The following ZNF233 variants were observed in gnomAD, a reference collection of about 807,000 sequenced individuals.
ZNF233 encodes zinc finger protein 233.
In ZNF233, 7 loss-of-function variants were observed where a neutral mutation model predicts 11.6. That is an observed-to-expected ratio of 0.60 (90% CI 0.34 to 1.13). ZNF233 has a LOEUF of 1.13. ZNF233 is among the 50% of genes most tolerant of loss of function. ZNF233 has a pLI of 0.03. For synonymous variants in ZNF233, 226 were observed against 268.5 expected (o/e 0.84, Z 1.55); for missense variants, 711 against 785.5 (o/e 0.91, Z 1.13).
At chr19:44,260,435 G>C (rs545326357) in intron 1 of ZNF233, among the ~76,000 whole-genome samples, 3 of 151,842 alleles carry the variant, frequency 2.0e-5, no homozygotes, top group African/African-American at 7.3e-5. Flanking sequence ...AGTGGGTTCT[G>C]AGCTCCAGGT....
intron 2 of ZNF233, among the ~76,000 whole-genome samples, chr19:44,264,584 T>G (rs893404293): frequency 1.3e-5 from 2 of 152,188 alleles, no homozygotes; most frequent in African/African-American, 4.8e-5. Flanking sequence ...ATTTCACAAG[T>G]AGTAGTGCAA....
At chr19:44,265,546 G>A (rs1312443918) in intron 2 of ZNF233, among the ~76,000 whole-genome samples, 3 of 151,890 alleles carry the variant, frequency 2.0e-5, no homozygotes, top group East Asian at 1.9e-4. Flanking sequence ...TCAGCCTCCC[G>A]AGTAGCTGGG....
At chr19:44,266,844 A>G in intron 3 of ZNF233, 22 bp from the exon 4 acceptor site, 11 of 1,585,766 alleles carry the variant, frequency 6.9e-6, no homozygotes, top group Non-Finnish European at 9.5e-6. Flanking sequence ...CACTTTATAT[A>G]TATGCCATTT....
chr19:44,267,729 G>T, intron 4 of ZNF233: 1 of 254,002 alleles, frequency 3.9e-6, no homozygotes. Flanking sequence ...CTGTCTGCCT[G>T]GGATGTTCTT....
intron 3 of ZNF233, 88 bp from the exon 4 acceptor site, chr19:44,266,778 C>A: frequency 2.1e-6 from 2 of 944,904 alleles, no homozygotes; most frequent in South Asian, 1.6e-5. Flanking sequence ...AAAAATACTA[C>A]TTAGAGCGCA....
chr19:44,265,364 TATACACACACACACAC>T (rs1387833958), intron 2 of ZNF233, among the ~76,000 whole-genome samples: 1 of 57,832 alleles, frequency 1.7e-5, no homozygotes, highest in African/African-American at 6.0e-5. Context: ...ATCATATATA[TATACACACACACACAC>T]ACACACACAC....
intron 2 of ZNF233, among the ~76,000 whole-genome samples, chr19:44,264,709 T>A (rs1975022608): frequency 6.6e-6 from 1 of 152,236 alleles, no homozygotes; most frequent in Admixed American, 6.5e-5. Context: ...GTCTTATATC[T>A]ATACTTGTCA....
At chr19:44,271,062 A>G (rs1424583312) in intron 4 of ZNF233, among the ~76,000 whole-genome samples, 1 of 152,146 alleles carries the variant, frequency 6.6e-6, no homozygotes, top group Non-Finnish European at 1.5e-5. Flanking sequence ...ACAATTATCA[A>G]TGCCTTTACT....
chr19:44,261,648 CTTTTTT>C (rs910276344), intron 1 of ZNF233, among the ~76,000 whole-genome samples: 6 of 128,286 alleles, frequency 4.7e-5, no homozygotes, highest in African/African-American at 1.8e-4. Context: ...AATGATTTCA[CTTTTTT>C]TTTTTTTTTT....
At chr19:44,265,690 G>A (rs1324088629) in intron 2 of ZNF233, among the ~76,000 whole-genome samples, 2 of 152,158 alleles carry the variant, frequency 1.3e-5, no homozygotes, top group South Asian at 2.1e-4. Context: ...AAAGTGCTGG[G>A]ATTACAGGCG....
At position 44,274,376 on chromosome 19, in the gene ZNF233, C is replaced by A; in HGVS notation, c.1716C>A (p.Gly572=). The A allele has an allele frequency of 6.2e-7, 1 of 1,614,136 alleles. No homozygotes were observed. The highest frequency in any genetic ancestry group is 8.5e-7 in the Non-Finnish European group (1 of 1,180,040). Residue 572 remains glycine (G), a synonymous_variant, in exon 5 of 5, where the codon GGC becomes GGA. Coordinates refer to ENST00000683810, the MANE Select transcript of ZNF233 (RefSeq NM_001207005.2). ...ACAAATGTGATGTGTGTGGGAAAGG[C>A]TTCAGTTGGAGTTCACATCTTCAAG... ...NPYKCDVCGK[G]FSWSSHLQAH... is the part of the protein sequence containing the mutation.
At chr19:44,262,124 G>T (rs528652864) in intron 1 of ZNF233, among the ~76,000 whole-genome samples, 22 of 152,298 alleles carry the variant, frequency 1.4e-4, no homozygotes, top group African/African-American at 5.3e-4. Flanking sequence ...TACAATCCTT[G>T]TCTGACTGTG....
At chr19:44,266,396 T>C in intron 3 of ZNF233, 72 bp downstream of exon 3, 1 of 1,405,490 alleles carries the variant, frequency 7.1e-7, no homozygotes, top group Non-Finnish European at 9.3e-7. Context: ...TTTAAGACTT[T>C]GGGACGCTTA....
rs183134340 is a variant in ZNF233 at position 44,261,037 on chromosome 19, C to T, written c.-48+1099C>T. 5.3e-5 allele frequency among the ~76,000 whole-genome samples: 8 copies of T among 152,278 alleles called. No individual in the cohort carries two copies. In the East Asian group the frequency reaches 1.4e-3, roughly 26 times the overall value. ...CAACACTGATGGGTAAAACATTTAT[C>T]TTCCCAAAGTAAAACAACAGGAAAG... On this transcript the variant is annotated intron_variant, in intron 1 of 4. Coordinates refer to ENST00000683810, the MANE Select transcript of ZNF233 (RefSeq NM_001207005.2).
rs1975321572 is a variant in ZNF233 at position 44,274,023 on chromosome 19, G to A, written c.1363G>A (p.Glu455Lys). The A allele has an allele frequency of 2.5e-6, 4 of 1,597,898 alleles. No individual in the cohort carries two copies. Among genetic ancestry groups the A allele is most frequent in the Non-Finnish European group, 3.4e-6 (4 of 1,179,434 alleles). The change falls in exon 5 of 5, where the codon GAG becomes AAG. Residue 455 changes from glutamate to lysine, a missense_variant. By Grantham distance (56) the Glu-to-Lys change is moderately conservative. Transcript: ENST00000683810. ...CACTGGAGAGAAACCATATAAATGT[G>A]AGGTATGTGATAAGGGCTTCAGTAA... is the stretch of plus-strand genomic sequence containing the variant. ...VHTGEKPYKC[E>K]VCDKGFSKAS...
In ZNF233 at chr19:44,273,645, C is replaced by A. The variant is rs770419326; in HGVS notation, c.985C>A (p.Leu329Met). 6.2e-7 allele frequency: 1 copy of A among 1,614,002 alleles called. No homozygotes were observed. The highest frequency in any genetic ancestry group is 8.5e-7 in the Non-Finnish European group (1 of 1,180,010). The change falls in exon 5 of 5, where the codon CTG (leucine) becomes ATG (methionine). Residue 329 changes from leucine (L) to methionine (M), a missense_variant. Coordinates refer to ENST00000683810, the MANE Select transcript of ZNF233 (RefSeq NM_001207005.2). ...SGEGFSQGSH[L>M]QPHQRVSTGE... The stretch of plus-strand genomic sequence containing the variant: ...TGAGGGCTTCAGTCAGGGCTCACAT[C>A]TGCAACCTCATCAGAGAGTCAGCAC...
chr19:44,268,061 T>C (rs1027755176), intron 4 of ZNF233: 2 of 152,194 alleles, frequency 1.3e-5, no homozygotes, highest in East Asian at 3.9e-4. Context: ...ACCGCACCTC[T>C]ATAAAAAAAT....
At chr19:44,269,998 T>C (rs1482176232) in intron 4 of ZNF233, among the ~76,000 whole-genome samples, 1 of 152,140 alleles carries the variant, frequency 6.6e-6, no homozygotes, top group Non-Finnish European at 1.5e-5. Flanking sequence ...ATCTTCTCCC[T>C]CAAGGATCAA....
intron 1 of ZNF233, among the ~76,000 whole-genome samples, chr19:44,260,767 G>A (rs1340890086): frequency 1.3e-5 from 2 of 152,132 alleles, no homozygotes; most frequent in Non-Finnish European, 2.9e-5. Context: ...ATATGCTATT[G>A]CTATTTCTGC....
Sources: allele counts gnomAD v4.1 joint callset (sites outside exome capture counted in the v4.1 genomes callset), GRCh38; gene constraint gnomAD v4.1.1; transcripts MANE v1.5; gene names NCBI Gene and HGNC (gene_info 2026-07-23, HGNC 2026-07-21).